Variants in LDLRAD4 observed in about 807,000 individuals in gnomAD.
The protein encoded by LDLRAD4 is low density lipoprotein receptor class A domain containing 4.
Under a neutral mutation model 17.0 loss-of-function variants are expected in LDLRAD4, and 5 were observed. That is an observed-to-expected ratio of 0.29 (90% CI 0.15 to 0.62). The LOEUF is 0.62. Ranked by LOEUF, LDLRAD4 falls within the 20% of genes least tolerant of loss-of-function variation. LDLRAD4 has a pLI of 0.84. For missense variants in LDLRAD4, 340 were observed against 424.7 expected, an observed-to-expected ratio of 0.80 and a Z score of 1.75; for synonymous variants, 168 against 171.8, an observed-to-expected ratio of 0.98 and a Z score of 0.17.
intron 1 of LDLRAD4, among the ~76,000 whole-genome samples, chr18:13,291,993 T>C (rs534019783): frequency 6.6e-6 from 1 of 152,252 alleles, no homozygotes; most frequent in South Asian, 2.1e-4. Context: ...AATTTTCCCT[T>C]CTAGGCTACC....
intron 2 of LDLRAD4, among the ~76,000 whole-genome samples, chr18:13,417,841 T>TTG (rs1181635893): frequency 3.3e-5 from 5 of 151,606 alleles, no homozygotes; most frequent in Admixed American, 2.6e-4. Context: ...TGTGTGTGTG[T>TTG]TGTGTGTGTG....
chr18:13,386,930 A>G (rs909960785), intron 1 of LDLRAD4, among the ~76,000 whole-genome samples: 3 of 147,748 alleles, frequency 2.0e-5, no homozygotes, highest in Non-Finnish European at 4.5e-5. Context: ...ATAGATAGAT[A>G]GATAGATAGA....
intron 1 of LDLRAD4, among the ~76,000 whole-genome samples, chr18:13,322,038 G>A (rs1159871213): frequency 6.7e-6 from 1 of 149,942 alleles, no homozygotes; most frequent in African/African-American, 2.4e-5. Flanking sequence ...TCTTTTTATT[G>A]AAACACAGAA....
Position 13,320,777 on chromosome 18 carries a change from G to A in LDLRAD4, c.-383+42589G>A, listed in dbSNP as rs564089667. On this transcript the variant is annotated intron_variant, in intron 1 of 5. Transcript: ENST00000359446. ...ACTCTACGTTTGAGTAACGTGTGACGTGTTGACCTCATTGTTCCCTGAGTG... is the reference window on the plus strand; with the variant it reads ...ACTCTACGTTTGAGTAACGTGTGACATGTTGACCTCATTGTTCCCTGAGTG... Among the ~76,000 whole-genome samples the A allele has an allele frequency of 3.9e-5, 6 of 152,336 alleles. No individual in the cohort carries two copies. In the East Asian group the frequency reaches 5.8e-4, roughly 15 times the overall value.
intron 3 of LDLRAD4, among the ~76,000 whole-genome samples, chr18:13,596,665 T>C (rs982801703): frequency 6.6e-6 from 1 of 152,222 alleles, no homozygotes; most frequent in African/African-American, 2.4e-5. Flanking sequence ...TTTGTGTCAT[T>C]TTATGTCTTT....
chr18:13,421,848 TG>T (rs2089486424), intron 2 of LDLRAD4, among the ~76,000 whole-genome samples: 1 of 152,088 alleles, frequency 6.6e-6, no homozygotes, highest in Non-Finnish European at 1.5e-5. Flanking sequence ...AAAGCTAGCC[TG>T]GGGGACGGGC....
chr18:13,269,702 A>G (rs1283390021), intron 1 of LDLRAD4, among the ~76,000 whole-genome samples: 1 of 152,154 alleles, frequency 6.6e-6, no homozygotes, highest in African/African-American at 2.4e-5. Context: ...CTGAGTCGGC[A>G]GTGTGGGAGT....
At chr18:13,518,610 T>C (rs2093906910) in intron 3 of LDLRAD4, among the ~76,000 whole-genome samples, 1 of 152,238 alleles carries the variant, frequency 6.6e-6, no homozygotes, top group Non-Finnish European at 1.5e-5. Context: ...TTTTCGTTTT[T>C]TAAAAGTGAG....
intron 1 of LDLRAD4, among the ~76,000 whole-genome samples, chr18:13,375,465 C>T (rs945467981): frequency 6.6e-6 from 1 of 152,126 alleles, no homozygotes; most frequent in Non-Finnish European, 1.5e-5. Flanking sequence ...ATCCCTGTGG[C>T]TCGGCAGTGC....
intron 1 of LDLRAD4, among the ~76,000 whole-genome samples, chr18:13,256,706 CT>C (rs531986675): frequency 1.3e-5 from 2 of 152,170 alleles, no homozygotes; most frequent in African/African-American, 2.4e-5. Flanking sequence ...ATAGAGAGCC[CT>C]TTGAAAACGA....
intron 1 of LDLRAD4, among the ~76,000 whole-genome samples, chr18:13,298,310 G>A (rs1055425341): frequency 1.6e-4 from 25 of 152,200 alleles, no homozygotes; most frequent in Non-Finnish European, 3.1e-4. Context: ...TCTGGGCACG[G>A]TGATGTTGCT....
intron 3 of LDLRAD4, among the ~76,000 whole-genome samples, chr18:13,585,730 A>C (rs1456620000): frequency 6.6e-6 from 1 of 152,230 alleles, no homozygotes; most frequent in Non-Finnish European, 1.5e-5. Flanking sequence ...TTGCTACATC[A>C]ACCAAAATAC....
At chr18:13,576,831 G>C (rs1206322628) in intron 3 of LDLRAD4, among the ~76,000 whole-genome samples, 1 of 152,252 alleles carries the variant, frequency 6.6e-6, no homozygotes, top group South Asian at 2.1e-4. Flanking sequence ...GCGACAGTGT[G>C]GCCATCTCAG....
At chr18:13,545,874 C>G (rs775373765) in intron 3 of LDLRAD4, among the ~76,000 whole-genome samples, 1 of 152,200 alleles carries the variant, frequency 6.6e-6, no homozygotes, top group African/African-American at 2.4e-5. Context: ...AAGGACCCAA[C>G]AGGTGAGAGT....
At chr18:13,595,103 A>T (rs1158671669) in intron 3 of LDLRAD4, among the ~76,000 whole-genome samples, 2 of 151,996 alleles carry the variant, frequency 1.3e-5, no homozygotes, top group Non-Finnish European at 2.9e-5. Context: ...TTCATTCCTG[A>T]TTTTAGTAGT....
chr18:13,456,991 T>C (rs918487887), intron 3 of LDLRAD4, among the ~76,000 whole-genome samples: 1 of 152,218 alleles, frequency 6.6e-6, no homozygotes, highest in African/African-American at 2.4e-5. Flanking sequence ...TCCTCTGGTG[T>C]GAGAGCAGAG....
intron 3 of LDLRAD4, among the ~76,000 whole-genome samples, chr18:13,495,360 G>A (rs1045904547): frequency 1.3e-5 from 2 of 152,250 alleles, no homozygotes; most frequent in South Asian, 4.1e-4. Context: ...GAATCTCAGG[G>A]CTTAAAATGC....
chr18:13,388,844 G>C (rs1169000588), intron 2 of LDLRAD4, among the ~76,000 whole-genome samples: 1 of 152,234 alleles, frequency 6.6e-6, no homozygotes, highest in African/African-American at 2.4e-5. Flanking sequence ...ACCTGCAGGC[G>C]ACCTCCTGAG....
intron 4 of LDLRAD4, among the ~76,000 whole-genome samples, chr18:13,638,794 T>C (rs1279229991): frequency 6.6e-6 from 1 of 152,132 alleles, no homozygotes; most frequent in Non-Finnish European, 1.5e-5. Flanking sequence ...GGGTTTAGAG[T>C]GACTCCATGA....
Sources: allele counts gnomAD v4.1 joint callset (sites outside exome capture counted in the v4.1 genomes callset), GRCh38; gene constraint gnomAD v4.1.1; transcripts MANE v1.5; gene names NCBI Gene and HGNC (gene_info 2026-07-23, HGNC 2026-07-21).